STAU2: variants seen among roughly 807,000 people sequenced by gnomAD.
STAU2 encodes staufen double-stranded RNA binding protein 2.
In STAU2, 20 loss-of-function variants were observed where a neutral mutation model predicts 65.9. That is an observed-to-expected ratio of 0.30 (90% CI 0.21 to 0.44). The LOEUF is 0.44. Among genes scored for constraint, STAU2 ranks in the 20% least tolerant of loss-of-function variants. The pLI is 1.00. For missense variants in STAU2, 558 were observed against 683.9 expected (o/e 0.82, Z 2.05); for synonymous variants, 232 against 233.9 (o/e 0.99, Z 0.07).
intron 4 of STAU2, among the ~76,000 whole-genome samples, chr8:73,703,293 T>C (rs775182323): frequency 2.6e-5 from 4 of 152,116 alleles, no homozygotes; most frequent in Non-Finnish European, 4.4e-5. Context: ...AATCCCCACA[T>C]TGCTCCTGCT....
At chr8:73,503,678 T>G (rs1212835141) in intron 13 of STAU2, among the ~76,000 whole-genome samples, 1 of 152,106 alleles carries the variant, frequency 6.6e-6, no homozygotes, top group Non-Finnish European at 1.5e-5. Flanking sequence ...GCCTTTTGGC[T>G]AAGACCAAGT....
intron 6 of STAU2, chr8:73,651,559 G>A (rs1441064078): frequency 7.1e-6 from 6 of 847,028 alleles, no homozygotes; most frequent in Non-Finnish European, 7.7e-6. Context: ...TGCACCTGCT[G>A]TGCCCTTGGG....
chr8:73,734,289 C>T (rs1410065639), intron 3 of STAU2, among the ~76,000 whole-genome samples: 18 of 140,492 alleles, frequency 1.3e-4, no homozygotes, highest in African/African-American at 4.8e-4. Context: ...ATAAGTTGCA[C>T]ATGGATAATA....
chr8:73,601,497 T>C (rs1302537618), intron 10 of STAU2, among the ~76,000 whole-genome samples: 1 of 152,184 alleles, frequency 6.6e-6, no homozygotes, highest in Non-Finnish European at 1.5e-5. Flanking sequence ...GACTTTTTCT[T>C]TGGTAACAGA....
chr8:73,481,399 A>G (rs1186250136), intron 13 of STAU2, among the ~76,000 whole-genome samples: 2 of 151,540 alleles, frequency 1.3e-5, no homozygotes, highest in Non-Finnish European at 2.9e-5. Flanking sequence ...GAAAAGTCAA[A>G]TTGCACTTGG....
intron 5 of STAU2, among the ~76,000 whole-genome samples, chr8:73,675,891 G>A (rs563495506): frequency 5.9e-5 from 9 of 152,178 alleles, no homozygotes; most frequent in East Asian, 1.9e-4. Flanking sequence ...CCGATAGAAC[G>A]GTGTCCGTGT....
At chr8:73,583,867 T>C (rs543847064) in intron 11 of STAU2, among the ~76,000 whole-genome samples, 2 of 152,292 alleles carry the variant, frequency 1.3e-5, no homozygotes, top group Admixed American at 6.5e-5. Context: ...AATTAATAAG[T>C]GACTTTAGTT....
At chr8:73,606,269 A>G (rs1437698254) in intron 9 of STAU2, among the ~76,000 whole-genome samples, 1 of 151,922 alleles carries the variant, frequency 6.6e-6, no homozygotes, top group South Asian at 2.1e-4. Context: ...TTCAAAATTA[A>G]TAACTTCTGC....
intron 13 of STAU2, among the ~76,000 whole-genome samples, chr8:73,494,707 A>G (rs1267168977): frequency 6.6e-6 from 1 of 151,716 alleles, no homozygotes; most frequent in African/African-American, 2.4e-5. Context: ...ACCACCTTCT[A>G]TTAAAAATCT....
rs1328469542 is a variant in STAU2, at chr8:73,687,412, T to A, written c.274+1242A>T. ...TAAAAATAATATATTTATATTTAAA[T>A]TAATTTAAATATAAATATATATTTA... On this transcript the variant is annotated intron_variant, in intron 5 of 14. Transcript: ENST00000524300. Among the ~76,000 whole-genome samples, 155 of 115,472 alleles carry A rather than the reference T, an allele frequency of 1.3e-3. 4 individuals carry two copies. The highest frequency in any genetic ancestry group is 4.8e-3 in the African/African-American group (145 of 30,414). The allele number at this position is 115,472 out of a possible 152,430, so 75.8% of individuals were successfully genotyped here. A position where few individuals can be genotyped will look rare whatever the true frequency, so the allele number is the denominator to read the frequency against.
At chr8:73,486,834 G>A (rs1820941331) in intron 13 of STAU2, among the ~76,000 whole-genome samples, 1 of 151,106 alleles carries the variant, frequency 6.6e-6, no homozygotes, top group Non-Finnish European at 1.5e-5. Context: ...TTTATTTTTT[G>A]TAGAGACAGA....
chr8:73,561,141 T>A (rs1362630541), intron 12 of STAU2, among the ~76,000 whole-genome samples: 1 of 152,154 alleles, frequency 6.6e-6, no homozygotes, highest in Non-Finnish European at 1.5e-5. Context: ...CAAGGGCCCC[T>A]AAATAGTTTG....
chr8:73,734,809 A>G (rs1027280241), intron 3 of STAU2, among the ~76,000 whole-genome samples: 4 of 152,164 alleles, frequency 2.6e-5, no homozygotes, highest in Non-Finnish European at 4.4e-5. Flanking sequence ...ATAAAAAATA[A>G]AAAAGCATCT....
intron 13 of STAU2, among the ~76,000 whole-genome samples, chr8:73,447,023 C>A (rs1457469106): frequency 6.6e-6 from 1 of 152,206 alleles, no homozygotes; most frequent in Non-Finnish European, 1.5e-5. Flanking sequence ...CTCACTGCAA[C>A]CTCCGCGTCC....
At chr8:73,561,544 G>T (rs575058137) in intron 12 of STAU2, 4 of 454,868 alleles carry the variant, frequency 8.8e-6, no homozygotes, top group South Asian at 3.1e-5. Flanking sequence ...ATTTCCCTAC[G>T]ACAGAAAAAC....
At chr8:73,609,697 C>G (rs766885174) in intron 9 of STAU2, among the ~76,000 whole-genome samples, 1 of 151,816 alleles carries the variant, frequency 6.6e-6, no homozygotes, top group Non-Finnish European at 1.5e-5. Flanking sequence ...TGAAGAGGGA[C>G]TGATGAGAAA....
At chr8:73,625,261 G>A (rs1351712395) in intron 6 of STAU2, among the ~76,000 whole-genome samples, 1 of 152,026 alleles carries the variant, frequency 6.6e-6, no homozygotes, top group Non-Finnish European at 1.5e-5. Context: ...AAAACTCGTA[G>A]GTAAATGTTT....
intron 3 of STAU2, among the ~76,000 whole-genome samples, chr8:73,734,699 CAG>C (rs1322522960): frequency 6.6e-6 from 1 of 151,916 alleles, no homozygotes; most frequent in Non-Finnish European, 1.5e-5. Context: ...GAGGCTGAAA[CAG>C]AAGAATTGCT....
chr8:73,723,248 A>G (rs1245586098), intron 3 of STAU2, among the ~76,000 whole-genome samples: 1 of 152,252 alleles, frequency 6.6e-6, no homozygotes, highest in African/African-American at 2.4e-5. Context: ...CCATGCAGAC[A>G]TGGGAAGAAC....
Sources: gnomAD v4.1 joint callset for allele counts (sites outside exome capture counted in the v4.1 genomes callset) on GRCh38, gnomAD v4.1.1 for gene constraint, MANE v1.5 for transcripts, NCBI Gene and HGNC (gene_info 2026-07-23, HGNC 2026-07-21) for gene names.